The following EYA1 variants were observed in gnomAD, a reference collection of about 807,000 sequenced individuals.
EYA1 encodes protein phosphatase EYA1.
EYA1 carries 16 observed loss-of-function variants against 82.0 expected under a neutral mutation model. The observed-to-expected ratio is 0.20, with a 90% confidence interval of 0.13 to 0.30. EYA1 has a LOEUF of 0.30. EYA1 is among the 10% of genes least tolerant of loss of function. The pLI is 1.00. For synonymous variants in EYA1, 261 were observed against 264.4 expected (o/e 0.99, Z 0.12); for missense variants, 633 against 730.7 (o/e 0.87, Z 1.54).
chr8:71,212,569 ACTAT>A (rs1484724250), intron 16 of EYA1, among the ~76,000 whole-genome samples: 2 of 152,234 alleles, frequency 1.3e-5, no homozygotes, highest in Non-Finnish European at 2.9e-5. Flanking sequence ...TTGCCTATAT[ACTAT>A]CTATCTCCTA....
Position 71,324,640 on chromosome 8 carries a change from A to C in EYA1, c.203-2372T>G, listed in dbSNP as rs577842808. 2.0e-5 allele frequency among the ~76,000 whole-genome samples: 3 copies of C among 152,322 alleles called. No individual in the cohort carries two copies. The South Asian group carries it at 6.2e-4, about 32-fold the overall frequency. On this transcript the variant is annotated intron_variant, in intron 4 of 17. Coordinates refer to ENST00000340726, the MANE Select transcript of EYA1 (RefSeq NM_000503.6). The stretch of plus-strand genomic sequence containing the variant: ...TGGATTTTCTGTTTCCATTTTACAT[A>C]TAAGGAACTAAGGGCTGATAGAAGT...
intron 12 of EYA1, among the ~76,000 whole-genome samples, chr8:71,222,509 C>G (rs1810053816): frequency 6.6e-6 from 1 of 152,208 alleles, no homozygotes; most frequent in Non-Finnish European, 1.5e-5. Flanking sequence ...CAAAGCACCA[C>G]ATCTTGGCAC....
rs1826688753 is a variant in EYA1 at position 71,354,795 on chromosome 8, G to A, written c.111C>T (p.Pro37=). The part of the protein sequence containing the change: ...NSHINSNSMT[P]NGTEVKTEPM... ...GCAGACACTCACCTTCGGTGCCATT[G>A]GGAGTCATGGAATTACTATTTATAT... The change falls in exon 3 of 18, where the codon CCC becomes CCT. Residue 37 remains proline (P), a synonymous_variant. Coordinates refer to ENST00000340726, the MANE Select transcript of EYA1 (RefSeq NM_000503.6). 2 of 1,613,150 alleles carry A rather than the reference G, an allele frequency of 1.2e-6. No individual in the cohort carries two copies. The highest frequency in any genetic ancestry group is 1.3e-5 in the African/African-American group (1 of 74,878).
At chr8:71,331,545 C>A (rs1263340603) in intron 4 of EYA1, among the ~76,000 whole-genome samples, 1 of 149,880 alleles carries the variant, frequency 6.7e-6, no homozygotes, top group East Asian at 2.0e-4. Context: ...AAGACAAAAG[C>A]AGAAGGAATA....
intron 2 of EYA1, among the ~76,000 whole-genome samples, chr8:71,499,843 A>G (rs2129235983): frequency 6.6e-6 from 1 of 152,318 alleles, no homozygotes; most frequent in South Asian, 2.1e-4. Flanking sequence ...TTTTGGATGG[A>G]TCATTCTGGC....
chr8:71,299,687 G>T lies in EYA1; in HGVS notation c.590C>A (p.Thr197Lys). Residue 197 changes from threonine (T) to lysine (K), a missense_variant, in exon 8 of 18, where the codon ACA becomes AAA. Physicochemically the swap from Thr to Lys is moderately conservative, Grantham distance 78. Transcript: ENST00000340726. ...GGAATTTGTGAGTGAATTATTTCCT[G>T]TATATATTCCTGATGATGTTGTAAA... Reference protein sequence around the residue: ...SSFTTSSGIYTGNNSLTNSSG... With the variant: ...SSFTTSSGIYKGNNSLTNSSG... 6.3e-7 allele frequency: 1 copy of T among 1,586,660 alleles called. No homozygotes were observed. The highest frequency in any genetic ancestry group is 8.7e-7 in the Non-Finnish European group (1 of 1,156,052).
intron 4 of EYA1, 96 bp downstream of exon 4, chr8:71,334,001 A>G (rs1040803850): frequency 7.2e-6 from 6 of 836,848 alleles, no homozygotes; most frequent in Non-Finnish European, 1.3e-5. Context: ...ATATATACAC[A>G]TATACATGTA....
chr8:71,313,344 T>C (rs1400752709), intron 7 of EYA1, among the ~76,000 whole-genome samples: 2 of 152,186 alleles, frequency 1.3e-5, no homozygotes, highest in Non-Finnish European at 2.9e-5. Context: ...GTCTAAAATA[T>C]ATTTTGTTAT....
chr8:71,224,430 C>T (rs1236709257), intron 12 of EYA1, among the ~76,000 whole-genome samples: 1 of 152,212 alleles, frequency 6.6e-6, no homozygotes, highest in Non-Finnish European at 1.5e-5. Flanking sequence ...CTGGCCAAGG[C>T]AGAGGAAGTG....
rs200345478 is a variant in EYA1, at chr8:71,216,952, C to A, written c.1199+13G>T. The A allele has an allele frequency of 1.7e-4, 282 of 1,612,980 alleles. No homozygotes were observed. The African/African-American group carries it at 3.3e-3, about 19-fold the overall frequency. On this transcript the variant is annotated intron_variant, in intron 13 of 17. Transcript: ENST00000340726. The stretch of plus-strand genomic sequence containing the variant: ...AAAAGGGAGATGGTCACTTCACATT[C>A]AAGGGTGCTCACCTTAGGTCCTGTC...
At chr8:71,315,186 C>A (rs1322961502) in intron 7 of EYA1, among the ~76,000 whole-genome samples, 4 of 151,990 alleles carry the variant, frequency 2.6e-5, no homozygotes, top group African/African-American at 9.7e-5. Flanking sequence ...AAGTAATGTA[C>A]TTCTAAAAGA....
chr8:71,325,852 T>C (rs1031936374), intron 4 of EYA1, among the ~76,000 whole-genome samples: 4 of 152,194 alleles, frequency 2.6e-5, no homozygotes, highest in Non-Finnish European at 5.9e-5. Flanking sequence ...TAGTCAAAAA[T>C]CTACCATCTT....
chr8:71,538,652 ATAGAGGTGAACT>A (rs1034288075), intron 1 of EYA1, among the ~76,000 whole-genome samples: 12 of 152,228 alleles, frequency 7.9e-5, no homozygotes, highest in East Asian at 3.9e-4. Flanking sequence ...ATAAACATAT[ATAGAGGTGAACT>A]TAGAGGTGAA....
intron 6 of EYA1, among the ~76,000 whole-genome samples, chr8:71,319,050 A>G (rs1250187371): frequency 1.3e-5 from 2 of 151,714 alleles, no homozygotes; most frequent in Admixed American, 6.6e-5. Flanking sequence ...ACCCCTAGGG[A>G]TTTTCCACCT....
chr8:71,466,544 T>C (rs1268133795), intron 2 of EYA1, among the ~76,000 whole-genome samples: 1 of 152,094 alleles, frequency 6.6e-6, no homozygotes, highest in Non-Finnish European at 1.5e-5. Context: ...GACTGTAAAA[T>C]ATCAATAAGC....
At chr8:71,316,449 C>A (rs1007297396) in intron 7 of EYA1, among the ~76,000 whole-genome samples, 2 of 152,012 alleles carry the variant, frequency 1.3e-5, no homozygotes, top group Non-Finnish European at 2.9e-5. Context: ...TACCATAGAA[C>A]AGAACTTATT....
At chr8:71,492,604 A>G (rs1229842215) in intron 2 of EYA1, among the ~76,000 whole-genome samples, 1 of 151,706 alleles carries the variant, frequency 6.6e-6, no homozygotes, top group Non-Finnish European at 1.5e-5. Flanking sequence ...AGCTCGGACT[A>G]CAGGCGCCCA....
chr8:71,526,779 T>A (rs116436575), intron 2 of EYA1, among the ~76,000 whole-genome samples: 3,064 of 152,232 alleles, frequency 0.02, 104 homozygotes, highest in African/African-American at 0.068. Flanking sequence ...CTGCTGTTTT[T>A]TTCTCCCTAT....
At chr8:71,399,101 G>A (rs1033932142) in intron 2 of EYA1, among the ~76,000 whole-genome samples, 4 of 152,218 alleles carry the variant, frequency 2.6e-5, no homozygotes, top group Non-Finnish European at 4.4e-5. Context: ...AGCCATGTGC[G>A]GGATATAATC....
Sources: allele counts gnomAD v4.1 joint callset (sites outside exome capture counted in the v4.1 genomes callset), GRCh38; gene constraint gnomAD v4.1.1; transcripts MANE v1.5; gene names NCBI Gene and HGNC (gene_info 2026-07-23, HGNC 2026-07-21).